Variants in MEF2A observed in about 807,000 individuals in gnomAD.
The protein encoded by MEF2A is myocyte enhancer factor 2A, also known as myocyte-specific enhancer factor 2A.
In MEF2A, 28 loss-of-function variants were observed where a neutral mutation model predicts 55.8. The ratio of observed to expected loss-of-function variants is 0.50; its 90% CI spans 0.37 to 0.69. The LOEUF (loss-of-function observed/expected upper bound fraction) is 0.69, where lower values mean the gene tolerates loss of function less well. Among genes scored for constraint, MEF2A ranks in the 30% least tolerant of loss-of-function variants. MEF2A has a pLI of 0.00. For synonymous variants in MEF2A, 239 were observed against 227.1 expected (o/e 1.05, Z -0.47); for missense variants, 528 against 626.2 (o/e 0.84, Z 1.67).
At position 99,712,617 on chromosome 15, in the gene MEF2A, G is replaced by T. The variant is rs1419448991; in HGVS notation, c.1364G>T (p.Ser455Ile). The T allele has an allele frequency of 6.4e-7, 1 of 1,552,086 alleles. No individual in the cohort carries two copies. The highest frequency in any genetic ancestry group is 8.7e-7 in the Non-Finnish European group (1 of 1,147,200). The change falls in exon 12 of 12, where the codon AGT (serine) becomes ATT (isoleucine). Residue 455 changes from serine to isoleucine, a missense_variant. This residue lies in a region of MEF2A where 450 missense variants were observed against 475.3 expected (regional missense o/e 0.95). Transcript: ENST00000557942. The surrounding 1 kb of genome is among the most constrained non-coding windows in gnomAD (Gnocchi z 4.1). ...GAAATGGGGCGCTCCCCTGTGGACAGTCTGAGCAGCTCTAGTAGCTCCTAT... is the reference window on the plus strand; with the variant it reads ...GAAATGGGGCGCTCCCCTGTGGACATTCTGAGCAGCTCTAGTAGCTCCTAT... ...RQEMGRSPVD[S>I]LSSSSSSYDG... is the part of the protein sequence containing the mutation.
intron 1 of MEF2A, among the ~76,000 whole-genome samples, chr15:99,581,352 GTT>G (rs1444307010): frequency 6.6e-6 from 1 of 151,564 alleles, no homozygotes; most frequent in Non-Finnish European, 1.5e-5. Flanking sequence ...GCTTTCAAAT[GTT>G]TAGAGGCAGT....
At chr15:99,666,336 A>G (rs1416540108) in intron 4 of MEF2A, among the ~76,000 whole-genome samples, 2 of 152,054 alleles carry the variant, frequency 1.3e-5, no homozygotes, top group African/African-American at 2.4e-5. Flanking sequence ...AACTAACACA[A>G]AAACAGAAAA....
At chr15:99,627,519 T>C (rs2042245876) in intron 2 of MEF2A, among the ~76,000 whole-genome samples, 1 of 152,032 alleles carries the variant, frequency 6.6e-6, no homozygotes, top group Non-Finnish European at 1.5e-5. Flanking sequence ...ATACCCTGTT[T>C]CTTAGCTGAA....
intron 4 of MEF2A, among the ~76,000 whole-genome samples, chr15:99,668,900 A>G (rs778899649): frequency 1.3e-5 from 2 of 152,206 alleles, no homozygotes; most frequent in African/African-American, 2.4e-5. Flanking sequence ...TTTAGTGATA[A>G]GGAGACACAA....
rs1412020721 is a variant in MEF2A at position 99,706,954 on chromosome 15, A to G, written c.1009+99A>G. On this transcript the variant is annotated intron_variant, in intron 10 of 11. Coordinates refer to ENST00000557942, the MANE Select transcript of MEF2A (RefSeq NM_001319206.4). ...TTTTTAAGTATATTTATTGAAATAA[A>G]CTATTTCCAGTTTTTTAGATTTAAA... The G allele has an allele frequency of 5.9e-6, 8 of 1,362,520 alleles. No individual in the cohort carries two copies. In the East Asian group the frequency reaches 2.0e-4, roughly 34 times the overall value. 84.4% of individuals were successfully genotyped at this position (1,362,520 alleles called of 1,614,324 possible).
chr15:99,581,505 CTCTT>C (rs1965916888), intron 1 of MEF2A, among the ~76,000 whole-genome samples: 1 of 151,692 alleles, frequency 6.6e-6, no homozygotes. Context: ...TTTGCCAAAA[CTCTT>C]TCTTTTTATT....
chr15:99,699,948 TTATA>T (rs1217238460), intron 8 of MEF2A, among the ~76,000 whole-genome samples: 4 of 132,548 alleles, frequency 3.0e-5, no homozygotes, highest in African/African-American at 5.8e-5. Flanking sequence ...CAGTAAGAGT[TTATA>T]TGTGTGTGTG....
intron 1 of MEF2A, among the ~76,000 whole-genome samples, chr15:99,570,638 C>T (rs1201669580): frequency 6.6e-6 from 1 of 152,144 alleles, no homozygotes; most frequent in African/African-American, 2.4e-5. Context: ...CCCATTCGAC[C>T]TGGTAAAAGA....
chr15:99,599,465 A>C (rs1972281985), intron 2 of MEF2A, among the ~76,000 whole-genome samples: 1 of 152,120 alleles, frequency 6.6e-6, no homozygotes, highest in African/African-American at 2.4e-5. Flanking sequence ...TGAATGATTA[A>C]ATAGTAGAAA....
intron 9 of MEF2A, among the ~76,000 whole-genome samples, chr15:99,706,346 A>G (rs1459007648): frequency 2.0e-5 from 3 of 152,254 alleles, no homozygotes; most frequent in African/African-American, 7.2e-5. Flanking sequence ...TACAATCCCT[A>G]TATATACAGA....
intron 8 of MEF2A, among the ~76,000 whole-genome samples, chr15:99,698,936 G>A (rs2056931601): frequency 6.6e-6 from 1 of 151,954 alleles, no homozygotes. Context: ...ACACTTGCTG[G>A]CCAGGCAGGG....
intron 2 of MEF2A, among the ~76,000 whole-genome samples, chr15:99,626,537 C>A (rs2042082383): frequency 6.6e-6 from 1 of 151,878 alleles, no homozygotes; most frequent in Non-Finnish European, 1.5e-5. Flanking sequence ...GGGGGAAAAT[C>A]ACAGCATCTT....
intron 1 of MEF2A, among the ~76,000 whole-genome samples, chr15:99,590,125 C>T (rs950619540): frequency 1.3e-5 from 2 of 151,962 alleles, no homozygotes; most frequent in African/African-American, 2.4e-5. Context: ...ATCTATTTCT[C>T]CTTTTAGTTC....
At chr15:99,657,672 G>A (rs865865193) in intron 4 of MEF2A, 19 of 152,122 alleles carry the variant, frequency 1.2e-4, no homozygotes, top group Admixed American at 1.3e-4. Context: ...AGAATCAAGG[G>A]GAAAATGATC....
At chr15:99,612,781 G>T (rs982618287) in intron 2 of MEF2A, among the ~76,000 whole-genome samples, 1 of 152,132 alleles carries the variant, frequency 6.6e-6, no homozygotes, top group Non-Finnish European at 1.5e-5. Context: ...TGACAGTGAG[G>T]GGTCTTACTT....
chr15:99,638,811 G>T (rs888254312), intron 3 of MEF2A, among the ~76,000 whole-genome samples: 2 of 151,872 alleles, frequency 1.3e-5, no homozygotes, highest in Non-Finnish European at 1.5e-5. Flanking sequence ...TCAATTATAC[G>T]ATGCAGTCTT....
intron 1 of MEF2A, among the ~76,000 whole-genome samples, chr15:99,593,443 G>T (rs1970041821): frequency 6.6e-6 from 1 of 152,156 alleles, no homozygotes; most frequent in Non-Finnish European, 1.5e-5. Flanking sequence ...TCCGATACCA[G>T]TTACTACATC....
At chr15:99,696,984 A>G (rs542190621) in intron 8 of MEF2A, among the ~76,000 whole-genome samples, 8 of 152,280 alleles carry the variant, frequency 5.3e-5, no homozygotes, top group Admixed American at 5.2e-4. Flanking sequence ...CAGGAATGCA[A>G]GGCTGAGTCT....
chr15:99,715,654 C>T lies in MEF2A; in HGVS notation c.*2883C>T, dbSNP rs1009451845. 2.6e-5 allele frequency: 4 copies of T among 152,222 alleles called. No individual in the cohort carries two copies. The highest frequency in any genetic ancestry group is 4.4e-5 in the Non-Finnish European group (3 of 68,010). 9.4% of individuals were successfully genotyped at this position (152,222 alleles called of 1,614,324 possible). A position where few individuals can be genotyped will look rare whatever the true frequency, so the allele number is the denominator to read the frequency against. ...TTGCTTTAGAACCGTCTTTTCTTAC[C>T]CTTTTAGACTCGTGTTTTGTATGAG... On this transcript the variant is annotated 3_prime_UTR_variant, in exon 12 of 12. Transcript: ENST00000557942.
Sources: allele counts gnomAD v4.1 joint callset (sites outside exome capture counted in the v4.1 genomes callset), GRCh38; gene constraint gnomAD v4.1.1; regional missense constraint gnomAD v4.1.1; non-coding constraint Gnocchi (gnomAD v3.1); transcripts MANE v1.5; gene names NCBI Gene and HGNC (gene_info 2026-07-23, HGNC 2026-07-21).